ELMO1: variants seen among roughly 807,000 people sequenced by gnomAD.
ELMO1 encodes engulfment and cell motility 1, also known as engulfment and cell motility protein 1.
In ELMO1, 26 loss-of-function variants were observed where a neutral mutation model predicts 98.9. The ratio of observed to expected loss-of-function variants is 0.26; its 90% CI spans 0.19 to 0.36. The LOEUF (loss-of-function observed/expected upper bound fraction) is 0.36. ELMO1 is among the 10% of genes least tolerant of loss of function. ELMO1 has a pLI of 1.00. For missense variants in ELMO1, 627 were observed against 935.2 expected (o/e 0.67, Z 4.30); for synonymous variants, 346 against 346.0 (o/e 1.00, Z 0.00).
intron 2 of ELMO1, among the ~76,000 whole-genome samples, chr7:37,340,910 G>T (rs1287475597): frequency 6.6e-6 from 1 of 152,164 alleles, no homozygotes; most frequent in African/African-American, 2.4e-5. Context: ...TAGTTTACCA[G>T]AACCACTAAA....
intron 2 of ELMO1, among the ~76,000 whole-genome samples, chr7:37,317,679 G>A (rs193081977): frequency 1.3e-5 from 2 of 152,250 alleles, no homozygotes; most frequent in East Asian, 3.9e-4. Context: ...GCTGTGAAGG[G>A]TAGTGGCAGG....
At chr7:37,346,814 G>C (rs1029404132) in intron 1 of ELMO1, among the ~76,000 whole-genome samples, 3 of 152,110 alleles carry the variant, frequency 2.0e-5, no homozygotes, top group African/African-American at 4.8e-5. Context: ...CAGCAAAAAA[G>C]GTCATCTAAC....
chr7:37,060,088 T>C (rs1170126291), intron 15 of ELMO1, among the ~76,000 whole-genome samples: 1 of 152,222 alleles, frequency 6.6e-6, no homozygotes. Context: ...AACAGTCCCA[T>C]GAGGTAAGAA....
chr7:37,162,629 T>A (rs1483368939), intron 13 of ELMO1, among the ~76,000 whole-genome samples: 1 of 152,150 alleles, frequency 6.6e-6, no homozygotes. Context: ...GTGAAAAAAT[T>A]TTTTAAAGTT....
intron 4 of ELMO1, among the ~76,000 whole-genome samples, chr7:37,275,656 A>C (rs1796793595): frequency 6.6e-6 from 1 of 152,220 alleles, no homozygotes; most frequent in Non-Finnish European, 1.5e-5. Flanking sequence ...CCCAGAGACA[A>C]CAGCACCTTC....
chr7:36,949,032 T>A (rs1787748907), intron 16 of ELMO1, among the ~76,000 whole-genome samples: 1 of 152,122 alleles, frequency 6.6e-6, no homozygotes, highest in African/African-American at 2.4e-5. Context: ...ATTTTTGTAT[T>A]TTTAGTAGAG....
chr7:36,920,773 G>A (rs1178054604), intron 16 of ELMO1, among the ~76,000 whole-genome samples: 14 of 151,940 alleles, frequency 9.2e-5, no homozygotes, highest in African/African-American at 9.7e-5. Flanking sequence ...CTGAAATGCC[G>A]TCTTGCTTGA....
intron 13 of ELMO1, among the ~76,000 whole-genome samples, chr7:37,148,241 G>C (rs1788127806): frequency 6.6e-6 from 1 of 152,156 alleles, no homozygotes; most frequent in Non-Finnish European, 1.5e-5. Context: ...CTGCCTTCAA[G>C]TAACTTCTAT....
chr7:36,920,387 A>G lies in ELMO1; in HGVS notation c.1438-25370T>C, dbSNP rs552655250. 3.3e-5 allele frequency among the ~76,000 whole-genome samples: 5 copies of G among 152,330 alleles called. No homozygotes were observed. In the South Asian group the frequency reaches 6.2e-4, roughly 19 times the overall value. On this transcript the variant is annotated intron_variant, in intron 16 of 21. Transcript: ENST00000310758. ...TCATATAGCTCTAAATATGAAGTCC[A>G]AACATATAGTTTATGTTTCCTAATT...
chr7:37,354,569 A>G (rs1442925778), intron 1 of ELMO1, among the ~76,000 whole-genome samples: 1 of 152,182 alleles, frequency 6.6e-6, no homozygotes, highest in Non-Finnish European at 1.5e-5. Flanking sequence ...TCAGCATTTC[A>G]ACTGGAAAGT....
intron 1 of ELMO1, among the ~76,000 whole-genome samples, chr7:37,346,197 G>GATCC (rs1204107019): frequency 6.6e-6 from 1 of 152,096 alleles, no homozygotes; most frequent in Non-Finnish European, 1.5e-5. Context: ...TGACCCCCTG[G>GATCC]ACACTTCCAC....
chr7:37,191,522 A>G (rs2130161379), intron 13 of ELMO1, among the ~76,000 whole-genome samples: 1 of 152,354 alleles, frequency 6.6e-6, no homozygotes, highest in Admixed American at 6.5e-5. Context: ...CAATGTGGAC[A>G]AACAGTTACT....
chr7:36,955,951 A>G (rs1250468612), intron 16 of ELMO1, among the ~76,000 whole-genome samples: 5 of 152,178 alleles, frequency 3.3e-5, no homozygotes, highest in African/African-American at 1.2e-4. Context: ...TGCTAACTCA[A>G]CAGGGCTACT....
chr7:36,916,217 G>C (rs1407394014), intron 16 of ELMO1, among the ~76,000 whole-genome samples: 1 of 152,112 alleles, frequency 6.6e-6, no homozygotes, highest in African/African-American at 2.4e-5. Flanking sequence ...AATTCTTTTG[G>C]TGTTAACTTT....
At chr7:36,953,837 TTTTGTG>T (rs1788203793) in intron 16 of ELMO1, among the ~76,000 whole-genome samples, 1 of 132,334 alleles carries the variant, frequency 7.6e-6, no homozygotes, top group Admixed American at 8.3e-5. Flanking sequence ...TATGGGTATG[TTTTGTG>T]TGTGTGTGTG....
At chr7:37,166,003 C>T (rs1356018061) in intron 13 of ELMO1, among the ~76,000 whole-genome samples, 1 of 152,156 alleles carries the variant, frequency 6.6e-6, no homozygotes, top group African/African-American at 2.4e-5. Context: ...TTAATTATTG[C>T]CACAATTTCA....
At chr7:37,261,057 T>C (rs995004557) in intron 5 of ELMO1, among the ~76,000 whole-genome samples, 2 of 152,204 alleles carry the variant, frequency 1.3e-5, no homozygotes, top group African/African-American at 4.8e-5. Context: ...CAATAATGAG[T>C]ACCCAAAAAT....
At chr7:37,448,946 C>G (rs1486259760), upstream of ELMO1, 3 of 152,344 alleles carry the variant, frequency 2.0e-5, no homozygotes, top group Non-Finnish European at 2.9e-5. Flanking sequence ...ACACATTTTG[C>G]ATCTGCAAGG....
At chr7:37,087,932 G>C (rs1783873960) in intron 15 of ELMO1, among the ~76,000 whole-genome samples, 1 of 152,146 alleles carries the variant, frequency 6.6e-6, no homozygotes, top group Non-Finnish European at 1.5e-5. Context: ...CCCTCCCACA[G>C]TGAAGATGAG....
Sources: allele counts gnomAD v4.1 joint callset (sites outside exome capture counted in the v4.1 genomes callset), GRCh38; gene constraint gnomAD v4.1.1; transcripts MANE v1.5; gene names NCBI Gene and HGNC (gene_info 2026-07-23, HGNC 2026-07-21).